The following CCDC136 variants were observed in gnomAD, a reference collection of about 807,000 sequenced individuals.
The protein encoded by CCDC136 is coiled-coil domain-containing protein 136.
A neutral mutation model predicts 141.2 loss-of-function variants in CCDC136; 100 were observed. The ratio of observed to expected loss-of-function variants is 0.71; its 90% CI spans 0.60 to 0.84. The LOEUF is 0.84. Among genes scored for constraint, CCDC136 ranks in the 40% least tolerant of loss-of-function variants. CCDC136 has a pLI of 0.00. For missense variants in CCDC136, 1,206 were observed against 1,379.4 expected, an observed-to-expected ratio of 0.87 and a Z score of 1.99; for synonymous variants, 474 against 531.9, an observed-to-expected ratio of 0.89 and a Z score of 1.50.
chr7:128,791,569 G>C (rs1179079255), upstream of CCDC136: 3 of 1,247,986 alleles, frequency 2.4e-6, no homozygotes, highest in Non-Finnish European at 3.0e-6. This position sits in a 1 kb window ranked among gnomAD's most constrained non-coding sequence, Gnocchi z 7.1. Context: ...CCGCCCCTCC[G>C]TCACCTGTCT....
intron 3 of CCDC136, among the ~76,000 whole-genome samples, chr7:128,796,739 A>ATATATATATATTTTTTTT: frequency 3.2e-4 from 36 of 113,366 alleles, no homozygotes; most frequent in African/African-American, 1.6e-3. Flanking sequence ...ATATATATAT[A>ATATATATATATTTTTTTT]TTCTTTTTTT....
At chr7:128,809,395 C>T (rs1455057465) in intron 10 of CCDC136, 55 bp from the exon 11 acceptor site, 27 of 1,262,314 alleles carry the variant, frequency 2.1e-5, no homozygotes. Flanking sequence ...GTTAGCCACC[C>T]AAGAAGCTTA....
At chr7:128,811,397 G>A (rs1454065135) in intron 12 of CCDC136, 2 of 459,614 alleles carry the variant, frequency 4.4e-6, no homozygotes, top group South Asian at 1.6e-5. Flanking sequence ...ATTCAAGGCC[G>A]GGGCTGATTT....
chr7:128,816,249 C>T (rs1562977892), intron 16 of CCDC136, among the ~76,000 whole-genome samples: 1 of 152,206 alleles, frequency 6.6e-6, no homozygotes, highest in Non-Finnish European at 1.5e-5. Flanking sequence ...GGAGTGTTCC[C>T]TCATCCCTCT....
Position 128,806,790 on chromosome 7 carries a change from C to T in CCDC136, c.1351C>T (p.Gln451Ter). The T allele has an allele frequency of 1.2e-6, 2 of 1,612,702 alleles. No homozygotes were observed. The highest frequency in any genetic ancestry group is 1.1e-5 in the South Asian group (1 of 90,946). Residue 451 changes from glutamine to a stop codon, truncating the protein, a stop_gained, in exon 9 of 18, where the codon CAG becomes TAG. Coordinates refer to ENST00000297788, the MANE Select transcript of CCDC136 (RefSeq NM_022742.5). LOFTEE classifies it high-confidence loss of function. ...ERQQQLQEEL[Q>*]CHEAELQHLR... ...GCAGCAGCAGCTGCAGGAGGAGCTG[C>T]AGTGCCATGAGGCAGAGCTGCAGCA...
In CCDC136 at chr7:128,817,427, A is replaced by G. The variant is rs994675532; in HGVS notation, c.3364-331A>G. Among the ~76,000 whole-genome samples, 7 of 152,174 alleles carry G rather than the reference A, an allele frequency of 4.6e-5. No homozygotes were observed. Among genetic ancestry groups the G allele is most frequent in the Non-Finnish European group, 1.0e-4 (7 of 68,028 alleles). On this transcript the variant is annotated intron_variant, in intron 16 of 17. Coordinates refer to ENST00000297788, the MANE Select transcript of CCDC136 (RefSeq NM_022742.5). This position sits in a 1 kb window ranked among gnomAD's most constrained non-coding sequence, Gnocchi z 4.6. ...CTAGAGTGACCTAGGAAAAGTCACAAGAAAGGTCTAGATGCAGATACCTCC... is the reference window on the plus strand; with the variant it reads ...CTAGAGTGACCTAGGAAAAGTCACAGGAAAGGTCTAGATGCAGATACCTCC...
intron 1 of CCDC136, among the ~76,000 whole-genome samples, chr7:128,792,886 A>C (rs764310649): frequency 4.6e-5 from 7 of 152,200 alleles, no homozygotes; most frequent in Non-Finnish European, 8.8e-5. Flanking sequence ...ATTGCCTGAA[A>C]GAGAGAGCCT....
intron 17 of CCDC136, among the ~76,000 whole-genome samples, chr7:128,820,306 A>C (rs1807264274): frequency 1.3e-5 from 2 of 152,226 alleles, no homozygotes; most frequent in Admixed American, 1.3e-4. Context: ...AGATCATAGA[A>C]AATTCTGTCA....
chr7:128,804,940 C>T (rs111829619), intron 5 of CCDC136, among the ~76,000 whole-genome samples, 179 bp downstream of exon 5: 352 of 152,268 alleles, frequency 2.3e-3, no homozygotes, highest in Non-Finnish European at 4.0e-3. Context: ...GGGGATCCGA[C>T]CCAATTATCT....
Position 128,821,104 on chromosome 7 carries a change from C to T in CCDC136, c.*6-695C>T, listed in dbSNP as rs1179169376. 1.3e-5 allele frequency among the ~76,000 whole-genome samples: 2 copies of T among 152,172 alleles called. No homozygotes were observed. The highest frequency in any genetic ancestry group is 2.9e-5 in the Non-Finnish European group (2 of 68,026). On this transcript the variant is annotated intron_variant, in intron 17 of 17. Transcript: ENST00000297788. The surrounding 1 kb of genome is among the most constrained non-coding windows in gnomAD (Gnocchi z 5.1). ...CTAATGGATGCTTTTTGGATATCTT[C>T]GATGGTGCCACTTGTCCCATGAATC...
intron 15 of CCDC136, 65 bp downstream of exon 15, chr7:128,814,984 C>T: frequency 7.7e-7 from 1 of 1,301,712 alleles, no homozygotes; most frequent in Non-Finnish European, 1.0e-6. Flanking sequence ...AGAAGCATTG[C>T]CTCCACAACC....
intron 12 of CCDC136, chr7:128,811,219 C>A: frequency 2.3e-6 from 1 of 443,572 alleles, no homozygotes; most frequent in Non-Finnish European, 4.5e-6. Context: ...GCCTGGGTAA[C>A]ACAGCTGGGA....
chr7:128,818,787 G>A (rs574753851), intron 17 of CCDC136, among the ~76,000 whole-genome samples: 7 of 152,272 alleles, frequency 4.6e-5, no homozygotes, highest in African/African-American at 1.7e-4. Context: ...GTAGAAGCCT[G>A]GGGTTCCACC....
At chr7:128,802,550 T>C (rs971087824) in intron 4 of CCDC136, among the ~76,000 whole-genome samples, 2 of 152,190 alleles carry the variant, frequency 1.3e-5, no homozygotes, top group African/African-American at 4.8e-5. Flanking sequence ...AGCCTGTTTC[T>C]ATATCCAGGA....
At chr7:128,796,931 C>T (rs955260963) in intron 3 of CCDC136, among the ~76,000 whole-genome samples, 9 of 149,996 alleles carry the variant, frequency 6.0e-5, no homozygotes, top group East Asian at 3.9e-4. Context: ...TTAGTAGAGA[C>T]GGGGTTTCAC....
At chr7:128,818,905 G>A (rs528062029) in intron 17 of CCDC136, among the ~76,000 whole-genome samples, 6 of 152,254 alleles carry the variant, frequency 3.9e-5, no homozygotes, top group East Asian at 1.9e-4. Context: ...TCCTGTGAAC[G>A]GAATGTAGCT....
At position 128,821,227 on chromosome 7, in the gene CCDC136, T is replaced by A. The variant is rs1184179182; in HGVS notation, c.*6-572T>A. On this transcript the variant is annotated intron_variant, in intron 17 of 17. Transcript: ENST00000297788. This position sits in a 1 kb window ranked among gnomAD's most constrained non-coding sequence, Gnocchi z 5.1. ...CAACATACCTGGTGATTAGGAGTGT[T>A]CTAATGACCTAGGCCCAGTGACAGG... Among the ~76,000 whole-genome samples the A allele has an allele frequency of 6.6e-6, 1 of 152,188 alleles. No individual in the cohort carries two copies. The highest frequency in any genetic ancestry group is 1.9e-4 in the East Asian group (1 of 5,202).
rs1306184066 is a variant in CCDC136 at position 128,815,778 on chromosome 7, G to A, written c.3210G>A (p.Glu1070=). ...TAGTTGCTGAGCCAGCAGATCCTGA[G>A]GAAGCTAAATCCACAGAAGATCAGG... ...DELVAEPADP[E]EAKSTEDQEE... is the part of the protein sequence containing the mutation. The change falls in exon 16 of 18, where the codon GAG becomes GAA. Residue 1070 remains glutamate, a synonymous_variant. Coordinates refer to ENST00000297788, the MANE Select transcript of CCDC136 (RefSeq NM_022742.5). 1.6e-5 allele frequency: 25 copies of A among 1,581,078 alleles called. No individual in the cohort carries two copies. Among genetic ancestry groups the A allele is most frequent in the Non-Finnish European group, 1.8e-5 (21 of 1,164,042 alleles).
At chr7:128,814,552 C>A in intron 14 of CCDC136, 86 bp from the exon 15 acceptor site, 1 of 1,060,098 alleles carries the variant, frequency 9.4e-7, no homozygotes, top group Non-Finnish European at 1.3e-6. Flanking sequence ...CAGTGACCCC[C>A]AAGCAGGGCT....
Sources: allele counts gnomAD v4.1 joint callset (sites outside exome capture counted in the v4.1 genomes callset), GRCh38; gene constraint gnomAD v4.1.1; non-coding constraint Gnocchi (gnomAD v3.1); transcripts MANE v1.5; gene names NCBI Gene and HGNC (gene_info 2026-07-23, HGNC 2026-07-21).